Variants in TRAPPC9 observed in about 807,000 individuals in gnomAD.
TRAPPC9 encodes trafficking protein particle complex subunit 9.
In TRAPPC9, 83 loss-of-function variants were observed where a neutral mutation model predicts 124.0. The observed-to-expected ratio is 0.67, with a 90% CI of 0.56 to 0.80. The LOEUF (loss-of-function observed/expected upper bound fraction) is 0.80. Among genes scored for constraint, TRAPPC9 ranks in the 30% least tolerant of loss-of-function variants. The probability of loss-of-function intolerance (pLI) is 0.00; values close to 1 mark genes in which losing one functional copy is unlikely to be tolerated. For missense variants in TRAPPC9, 1,302 were observed against 1,508.3 expected (o/e 0.86, Z 2.27); for synonymous variants, 638 against 617.5 (o/e 1.03, Z -0.49).
intron 17 of TRAPPC9, among the ~76,000 whole-genome samples, chr8:140,110,924 CAGCTCCCCCAAAGCTCCCCCTGCAGT>C (rs2060763090): frequency 2.2e-5 from 1 of 44,452 alleles, no homozygotes; most frequent in Admixed American, 2.1e-4. Flanking sequence ...CCCCCTGCAG[CAGCTCCCCCAAAGCTCCCCCTGCAGT>C]AGCTCCCCCC....
intron 21 of TRAPPC9, among the ~76,000 whole-genome samples, chr8:139,849,463 G>A (rs921744885): frequency 3.9e-5 from 6 of 152,178 alleles, no homozygotes. Flanking sequence ...TCTCCTTCTG[G>A]TTCTGCATTT....
intron 21 of TRAPPC9, among the ~76,000 whole-genome samples, chr8:139,743,439 A>G (rs1425317642): frequency 6.6e-6 from 1 of 152,264 alleles, no homozygotes; most frequent in Non-Finnish European, 1.5e-5. Flanking sequence ...TTGAAGACCA[A>G]GGAACAAAGT....
chr8:140,070,295 C>T (rs2129786618), intron 17 of TRAPPC9, among the ~76,000 whole-genome samples: 1 of 152,280 alleles, frequency 6.6e-6, no homozygotes, highest in African/African-American at 2.4e-5. Flanking sequence ...TGTCACAGCA[C>T]AGATGATATG....
intron 18 of TRAPPC9, among the ~76,000 whole-genome samples, chr8:139,997,965 TACACAGGGGAGACAATGCATCCC>T (rs1838146694): frequency 9.1e-6 from 1 of 110,070 alleles, no homozygotes; most frequent in Non-Finnish European, 1.8e-5. Context: ...CAATGCATCC[TACACAGGGGAGACAATGCATCCC>T]ACACAGGGGA....
At chr8:140,293,264 G>C (rs914466126) in intron 11 of TRAPPC9, among the ~76,000 whole-genome samples, 5 of 150,768 alleles carry the variant, frequency 3.3e-5, no homozygotes, top group Non-Finnish European at 7.4e-5. Flanking sequence ...TACACTTTTG[G>C]TGGGACTGTA....
chr8:140,137,615 CCTG>C (rs2061325922), intron 17 of TRAPPC9, among the ~76,000 whole-genome samples: 1 of 152,210 alleles, frequency 6.6e-6, no homozygotes, highest in African/African-American at 2.4e-5. Context: ...CCACCCCGCA[CCTG>C]CTGAATCAGG....
chr8:140,265,782 C>T (rs751861321), intron 15 of TRAPPC9, among the ~76,000 whole-genome samples: 36 of 152,224 alleles, frequency 2.4e-4, no homozygotes, highest in Non-Finnish European at 3.8e-4. Context: ...GAATTACTGC[C>T]GCTGTGAACT....
At chr8:140,035,946 C>G (rs1840847828) in intron 17 of TRAPPC9, among the ~76,000 whole-genome samples, 1 of 152,252 alleles carries the variant, frequency 6.6e-6, no homozygotes, top group Non-Finnish European at 1.5e-5. Context: ...TTGGCATCAG[C>G]TTTCCCATCT....
intron 16 of TRAPPC9, among the ~76,000 whole-genome samples, chr8:140,226,980 C>T (rs1174928626): frequency 6.6e-6 from 1 of 152,184 alleles, no homozygotes; most frequent in African/African-American, 2.4e-5. Flanking sequence ...GAAAGCCACT[C>T]CATGGATTCT....
At chr8:140,323,085 T>A (rs2066640008) in intron 9 of TRAPPC9, among the ~76,000 whole-genome samples, 1 of 152,116 alleles carries the variant, frequency 6.6e-6, no homozygotes, top group Non-Finnish European at 1.5e-5. Context: ...GGAGAGAGAC[T>A]GAAAGTCGAG....
chr8:140,138,280 C>G (rs770861393), intron 17 of TRAPPC9, among the ~76,000 whole-genome samples: 25 of 151,830 alleles, frequency 1.6e-4, no homozygotes, highest in African/African-American at 6.0e-4. Flanking sequence ...CCAGCCTGGG[C>G]GACAGAGTGA....
chr8:140,076,367 G>T (rs984154789), intron 17 of TRAPPC9, among the ~76,000 whole-genome samples: 1 of 152,212 alleles, frequency 6.6e-6, no homozygotes, highest in East Asian at 1.9e-4. Flanking sequence ...ACACCACCGT[G>T]AGAGCTGCAT....
intron 19 of TRAPPC9, chr8:139,931,793 A>G (rs1833161550): frequency 5.8e-6 from 1 of 173,866 alleles, no homozygotes; most frequent in South Asian, 1.5e-4. Context: ...TACAAGTGCC[A>G]TGCGGTAGAA....
intron 15 of TRAPPC9, among the ~76,000 whole-genome samples, chr8:140,258,443 C>T (rs1390021478): frequency 6.6e-6 from 1 of 152,248 alleles, no homozygotes; most frequent in Non-Finnish European, 1.5e-5. Flanking sequence ...TCTTGAAGCA[C>T]ATGGCACTAA....
intron 17 of TRAPPC9, among the ~76,000 whole-genome samples, chr8:140,176,234 CGTACTGGT>C (rs2062068974): frequency 6.6e-6 from 1 of 152,192 alleles, no homozygotes; most frequent in African/African-American, 2.4e-5. Context: ...AATAAATTAA[CGTACTGGT>C]GTATCCACTT....
At chr8:140,383,992 G>C (rs1415709486) in intron 7 of TRAPPC9, among the ~76,000 whole-genome samples, 1 of 152,188 alleles carries the variant, frequency 6.6e-6, no homozygotes, top group Admixed American at 6.5e-5. Flanking sequence ...AGCCAGAAGA[G>C]AGTAGGGGCC....
chr8:139,804,916 G>C (rs1174397574), intron 21 of TRAPPC9, among the ~76,000 whole-genome samples: 2 of 152,180 alleles, frequency 1.3e-5, no homozygotes, highest in Non-Finnish European at 2.9e-5. Context: ...ACCAAGGAAA[G>C]CTCCCCACCA....
At chr8:140,364,965 C>T (rs192942607) in intron 8 of TRAPPC9, among the ~76,000 whole-genome samples, 15 of 150,818 alleles carry the variant, frequency 9.9e-5, no homozygotes, top group Admixed American at 8.5e-4. Context: ...CAGACCCCTC[C>T]CTGGCCCTCA....
intron 21 of TRAPPC9, among the ~76,000 whole-genome samples, chr8:139,850,033 C>A (rs1483264789): frequency 6.6e-6 from 1 of 152,190 alleles, no homozygotes; most frequent in Non-Finnish European, 1.5e-5. Flanking sequence ...CGCATCAGCT[C>A]CCAGGAACAC....
Sources: gnomAD v4.1 joint callset for allele counts (sites outside exome capture counted in the v4.1 genomes callset) on GRCh38, gnomAD v4.1.1 for gene constraint, MANE v1.5 for transcripts, NCBI Gene and HGNC (gene_info 2026-07-23, HGNC 2026-07-21) for gene names.